The following ETFDH variants were observed in gnomAD, a reference collection of about 807,000 sequenced individuals.
ETFDH encodes the protein electron transfer flavoprotein-ubiquinone oxidoreductase, mitochondrial.
A neutral mutation model predicts 73.2 loss-of-function variants in ETFDH; 61 were observed. That is an observed-to-expected ratio of 0.83 (90% CI 0.68 to 1.03). The LOEUF is 1.03. Among genes scored for constraint, ETFDH ranks in the 50% least tolerant of loss-of-function variants. The probability of loss-of-function intolerance (pLI) is 0.00; values close to 1 mark genes in which losing one functional copy is unlikely to be tolerated. For synonymous variants in ETFDH, 243 were observed against 253.3 expected (o/e 0.96, Z 0.39); for missense variants, 685 against 745.0 (o/e 0.92, Z 0.94).
In ETFDH at chr4:158,672,465, G is replaced by C; in HGVS notation, c.9G>C (p.Val3=). The change falls in exon 1 of 13, where the codon GTG becomes GTC. Residue 3 remains valine (V), a synonymous_variant. Coordinates refer to ENST00000511912, the MANE Select transcript of ETFDH (RefSeq NM_004453.4). ML[V]PLAKLSCLAY... is the part of the protein sequence containing the mutation. ...TCCTGGTGACTTTGAACATGCTGGT[G>C]CCGCTAGCCAAGCTGTCCTGCCTGG... is the stretch of plus-strand genomic sequence containing the variant. 1 of 1,614,176 alleles carries C rather than the reference G, an allele frequency of 6.2e-7. No individual in the cohort carries two copies. The highest frequency in any genetic ancestry group is 8.5e-7 in the Non-Finnish European group (1 of 1,180,004).
intron 3 of ETFDH, among the ~76,000 whole-genome samples, chr4:158,683,746 AT>A (rs1182425233): frequency 2.6e-5 from 4 of 151,940 alleles, no homozygotes; most frequent in African/African-American, 4.8e-5. Flanking sequence ...CACCCAGCTA[AT>A]TTTTGTATTT....
Position 158,680,474 on chromosome 4 carries a change from G to T in ETFDH, c.42G>T (p.Gln14His), listed in dbSNP as rs1773824132. The T allele has an allele frequency of 1.2e-6, 2 of 1,604,944 alleles. No individual in the cohort carries two copies. The highest frequency in any genetic ancestry group is 2.2e-5 in the South Asian group (2 of 90,846). Residue 14 changes from glutamine to histidine, a missense_variant, in exon 2 of 13, where the codon CAG (glutamine) becomes CAT (histidine). By Grantham distance (24) the Gln-to-His change is conservative (BLOSUM62 0). Transcript: ENST00000511912. ...TTCGTAATTTTTGTGCAGCATATCA[G>T]TGCTTTCATGCCTTAAAAATTAAGA... ...PLAKLSCLAYQCFHALKIKKN... is the reference protein window; with the variant it reads ...PLAKLSCLAYHCFHALKIKKN...
At chr4:158,695,872 C>T (rs1206967462) in intron 7 of ETFDH, among the ~76,000 whole-genome samples, 1 of 152,130 alleles carries the variant, frequency 6.6e-6, no homozygotes, top group Non-Finnish European at 1.5e-5. Flanking sequence ...ATTGTCGTAT[C>T]AAGTGTTGCT....
At chr4:158,705,518 A>G (rs944668537) in intron 10 of ETFDH, among the ~76,000 whole-genome samples, 1 of 152,224 alleles carries the variant, frequency 6.6e-6, no homozygotes, top group Non-Finnish European at 1.5e-5. Context: ...GGGGGGACAT[A>G]TTTCAACCCA....
chr4:158,680,697 TAAAA>T (rs772727971), intron 2 of ETFDH, 90 bp downstream of exon 2: 10 of 1,091,898 alleles, frequency 9.2e-6, no homozygotes, highest in Non-Finnish European at 1.4e-5. Flanking sequence ...TTTCATAATT[TAAAA>T]ACATCTAATA....
At chr4:158,701,401 G>A (rs1774458406) in intron 9 of ETFDH, among the ~76,000 whole-genome samples, 1 of 152,134 alleles carries the variant, frequency 6.6e-6, no homozygotes, top group Non-Finnish European at 1.5e-5. Context: ...CTGTGGTCCT[G>A]ATTTAATGCT....
Position 158,680,603 on chromosome 4 carries a change from G to A in ETFDH, c.171G>A (p.Trp57Ter), listed in dbSNP as rs949249162. The A allele has an allele frequency of 4.3e-6, 7 of 1,609,820 alleles. No individual in the cohort carries two copies. Among genetic ancestry groups the A allele is most frequent in the Non-Finnish European group, 6.0e-6 (7 of 1,176,250 alleles). ...TIYPRDKDKR[W>*]EGVNMERFAE... ...ATCCCCGGGATAAGGACAAGAGATGGGAAGGTAAGTAATAATTTGTGTACA... is the reference window on the plus strand; with the variant it reads ...ATCCCCGGGATAAGGACAAGAGATGAGAAGGTAAGTAATAATTTGTGTACA... Residue 57 changes from tryptophan (W) to a stop codon, truncating the protein, a stop_gained, in exon 2 of 13, where the codon TGG (tryptophan) becomes TGA (stop). Coordinates refer to ENST00000511912, the MANE Select transcript of ETFDH (RefSeq NM_004453.4). LOFTEE classifies it high-confidence loss of function.
chr4:158,703,640 T>G, intron 10 of ETFDH, 49 bp downstream of exon 10: 2 of 1,110,988 alleles, frequency 1.8e-6, no homozygotes, highest in Non-Finnish European at 2.8e-6. Flanking sequence ...CTGGGTTATG[T>G]GTATTTCAAT....
chr4:158,690,560 T>C (rs981565395), intron 6 of ETFDH, 135 bp downstream of exon 6: 81 of 706,452 alleles, frequency 1.1e-4, no homozygotes, highest in Non-Finnish European at 2.1e-4. Flanking sequence ...ACACCTGTAG[T>C]CCTAGCTACT....
intron 12 of ETFDH, among the ~76,000 whole-genome samples, chr4:158,707,708 C>T (rs1277937602): frequency 6.6e-6 from 1 of 152,080 alleles, no homozygotes; most frequent in Non-Finnish European, 1.5e-5. Flanking sequence ...TAGAAATATC[C>T]CCACAACGCA....
intron 5 of ETFDH, 70 bp downstream of exon 5, chr4:158,685,289 A>G (rs1773976425): frequency 1.2e-6 from 1 of 820,720 alleles, no homozygotes; most frequent in African/African-American, 1.7e-5. Flanking sequence ...AGAATTTTAT[A>G]AAGTTGAAGA....
Position 158,672,374 on chromosome 4 carries a change from CG to C in ETFDH, c.-82del. The C allele has an allele frequency of 6.9e-7, 1 of 1,456,676 alleles. No individual in the cohort carries two copies. Among genetic ancestry groups the C allele is most frequent in the Non-Finnish European group, 9.6e-7 (1 of 1,037,240 alleles). The allele number at this position is 1,456,676 out of a possible 1,614,324, so 90.2% of individuals were successfully genotyped here. A position where few individuals can be genotyped will look rare whatever the true frequency, so the allele number is the denominator to read the frequency against. ...CTTTCCGGCAGGTGATGGCGCCCCC[CG>C]CGGCCTAGAGGTCCAGCGCCCGCCG... On this transcript the variant is annotated 5_prime_UTR_variant, in exon 1 of 13. It removes the in-frame stop codon of an upstream open reading frame in the 5' UTR. Transcript: ENST00000511912.
In ETFDH at chr4:158,708,719, A is replaced by G. The variant is rs749940975; in HGVS notation, c.*192A>G. On this transcript the variant is annotated 3_prime_UTR_variant, in exon 13 of 13. Coordinates refer to ENST00000511912, the MANE Select transcript of ETFDH (RefSeq NM_004453.4). The stretch of plus-strand genomic sequence containing the variant: ...CGGGTATTGCTTTTAAATAACCTTT[A>G]TAAGAATGCAGCATCTTCCTACCTC... 41 of 563,932 alleles carry G rather than the reference A, an allele frequency of 7.3e-5. No individual in the cohort carries two copies. The highest frequency in any genetic ancestry group is 3.7e-4 in the Admixed American group (12 of 32,792). 34.9% of individuals were successfully genotyped at this position (563,932 alleles called of 1,614,324 possible). A position where few individuals can be genotyped will look rare whatever the true frequency, so the allele number is the denominator to read the frequency against.
At chr4:158,676,377 T>C (rs904596508) in intron 1 of ETFDH, among the ~76,000 whole-genome samples, 6 of 152,154 alleles carry the variant, frequency 3.9e-5, no homozygotes, top group Admixed American at 1.3e-4. Flanking sequence ...GTAGTGATCC[T>C]AGATTTTACA....
At chr4:158,676,711 G>A (rs1437601640) in intron 1 of ETFDH, among the ~76,000 whole-genome samples, 1 of 152,188 alleles carries the variant, frequency 6.6e-6, no homozygotes, top group Admixed American at 6.5e-5. Context: ...TTTTTGCAAA[G>A]GTGGTTTTAT....
intron 9 of ETFDH, among the ~76,000 whole-genome samples, chr4:158,702,169 T>A (rs943929161): frequency 6.6e-6 from 1 of 151,560 alleles, no homozygotes; most frequent in Admixed American, 6.6e-5. Flanking sequence ...TTTTTTTTTA[T>A]ATGCCCTTTG....
Position 158,706,295 on chromosome 4 carries a change from A to C in ETFDH, c.1392A>C (p.Val464=). The change falls in exon 11 of 13, where the codon GTA becomes GTC. Residue 464 remains valine (V), a synonymous_variant. Coordinates refer to ENST00000511912, the MANE Select transcript of ETFDH (RefSeq NM_004453.4). The part of the protein sequence containing the change: ...IRPSCHGVLG[V]YGGMIYTGIF... ...CGTCCTGCCACGGAGTACTGGGTGTATATGGAGGGATGATTTACACTGGAA... is the reference window on the plus strand; with the variant it reads ...CGTCCTGCCACGGAGTACTGGGTGTCTATGGAGGGATGATTTACACTGGAA... The C allele has an allele frequency of 6.2e-7, 1 of 1,612,466 alleles. No individual in the cohort carries two copies. The highest frequency in any genetic ancestry group is 1.7e-4 in the Middle Eastern group (1 of 6,060).
rs1440171840 is a variant in ETFDH at position 158,708,584 on chromosome 4, A to AT, written c.*59dup. ...CAAGCTAACGTTAAAATGTTTAGAG[A>AT]TTAACAGATTTCAGAATGTCTTTCT... On this transcript the variant is annotated 3_prime_UTR_variant, in exon 13 of 13. Coordinates refer to ENST00000511912, the MANE Select transcript of ETFDH (RefSeq NM_004453.4). 2 of 1,376,472 alleles carry AT rather than the reference A, an allele frequency of 1.5e-6. No individual in the cohort carries two copies. The highest frequency in any genetic ancestry group is 4.6e-5 in the East Asian group (2 of 43,742). 85.3% of individuals were successfully genotyped at this position (1,376,472 alleles called of 1,614,324 possible).
chr4:158,695,740 A>C, intron 7 of ETFDH, 97 bp downstream of exon 7: 2 of 840,472 alleles, frequency 2.4e-6, no homozygotes, highest in African/African-American at 3.4e-5. Flanking sequence ...AATTTTAGTT[A>C]TATTTTTTCA....
Sources: allele counts gnomAD v4.1 joint callset (sites outside exome capture counted in the v4.1 genomes callset), GRCh38; gene constraint gnomAD v4.1.1; transcripts MANE v1.5; gene names NCBI Gene and HGNC (gene_info 2026-07-23, HGNC 2026-07-21).